Variants in ITGA1 observed in about 807,000 individuals in gnomAD.
ITGA1 encodes integrin subunit alpha 1.
A neutral mutation model predicts 145.9 loss-of-function variants in ITGA1; 85 were observed. That is an observed-to-expected ratio of 0.58 (90% CI 0.49 to 0.70). The LOEUF is 0.70. Among genes scored for constraint, ITGA1 ranks in the 30% least tolerant of loss-of-function variants. ITGA1 has a pLI of 0.00. For missense variants in ITGA1, 1,351 were observed against 1,418.7 expected, an observed-to-expected ratio of 0.95 and a Z score of 0.77; for synonymous variants, 520 against 495.3, an observed-to-expected ratio of 1.05 and a Z score of -0.66.
rs777861421 is a variant in ITGA1, at chr5:52,800,902, A to C, written c.61+12488A>C. On this transcript the variant is annotated intron_variant, in intron 1 of 28. Transcript: ENST00000282588. ...CAAGGTGGAGGTGAACATCCCTAGG[A>C]AAAGGAAAGGCAATTGCTCTCAGCA... The C allele has an allele frequency of 6.2e-6, 10 of 1,613,682 alleles. No homozygotes were observed. Among genetic ancestry groups the C allele is most frequent in the Non-Finnish European group, 8.5e-6 (10 of 1,179,820 alleles).
chr5:52,949,991 T>A (rs113293496), intron 28 of ITGA1, among the ~76,000 whole-genome samples: 1 of 152,336 alleles, frequency 6.6e-6, no homozygotes, highest in Non-Finnish European at 1.5e-5. Context: ...AGGCCAAAAG[T>A]TTCTCTTAGA....
At chr5:52,795,203 C>T (rs1486224810) in intron 1 of ITGA1, among the ~76,000 whole-genome samples, 4 of 151,694 alleles carry the variant, frequency 2.6e-5, no homozygotes, top group Non-Finnish European at 4.4e-5. Context: ...TGCTGTGTTC[C>T]AGGAGAACAA....
chr5:52,935,217 A>G (rs1230888543), intron 23 of ITGA1, among the ~76,000 whole-genome samples: 2 of 152,060 alleles, frequency 1.3e-5, no homozygotes, highest in African/African-American at 2.4e-5. Context: ...TAGAATTGGA[A>G]TAAAGGAGTT....
chr5:52,891,555 T>TAAAAAAAAAAAAAAAAAAAAAAA (rs56185635), intron 8 of ITGA1, among the ~76,000 whole-genome samples: 3 of 118,882 alleles, frequency 2.5e-5, no homozygotes, highest in African/African-American at 3.4e-5. Context: ...TCATGAACAC[T>TAAAAAAAAAAAAAAAAAAAAAAA]AAAAAAAAAA....
At chr5:52,832,837 G>GTTT (rs10634936) in intron 1 of ITGA1, among the ~76,000 whole-genome samples, 48 of 141,088 alleles carry the variant, frequency 3.4e-4, no homozygotes, top group Admixed American at 7.8e-4. Context: ...TCTCAAAAGA[G>GTTT]TTTTTTTTTG....
intron 14 of ITGA1, among the ~76,000 whole-genome samples, chr5:52,911,916 T>TTA (rs1240560887): frequency 7.3e-6 from 1 of 136,568 alleles, no homozygotes; most frequent in Admixed American, 7.8e-5. Flanking sequence ...GATATATATA[T>TTA]TATATATATA....
chr5:52,859,585 A>C (rs1025731651), intron 2 of ITGA1, among the ~76,000 whole-genome samples: 1 of 152,216 alleles, frequency 6.6e-6, no homozygotes, highest in Non-Finnish European at 1.5e-5. Flanking sequence ...TAGGGCCTAC[A>C]CAAAATAAAT....
intron 1 of ITGA1, among the ~76,000 whole-genome samples, chr5:52,842,438 A>G (rs1749268629): frequency 6.6e-6 from 1 of 152,328 alleles, no homozygotes; most frequent in Non-Finnish European, 1.5e-5. Flanking sequence ...GTTTCAAGAT[A>G]CAGTCATCAA....
At chr5:52,817,082 A>G (rs552126793) in intron 1 of ITGA1, among the ~76,000 whole-genome samples, 30 of 152,328 alleles carry the variant, frequency 2.0e-4, no homozygotes, top group African/African-American at 7.0e-4. Flanking sequence ...AAAGCTTTCA[A>G]TGCTATCCAC....
At chr5:52,904,049 T>C (rs191112757) in intron 11 of ITGA1, 8 of 152,666 alleles carry the variant, frequency 5.2e-5, no homozygotes, top group African/African-American at 1.9e-4. Flanking sequence ...CCACCAAGTA[T>C]CTGAAAGATG....
chr5:52,828,547 A>G (rs561090929), intron 1 of ITGA1, among the ~76,000 whole-genome samples: 203 of 152,298 alleles, frequency 1.3e-3, no homozygotes, highest in African/African-American at 4.7e-3. Flanking sequence ...AAAAGAAATC[A>G]GACTCAAGAG....
intron 26 of ITGA1, among the ~76,000 whole-genome samples, chr5:52,940,322 G>C (rs1179447467): frequency 6.6e-6 from 1 of 151,770 alleles, no homozygotes; most frequent in Non-Finnish European, 1.5e-5. Flanking sequence ...AAAGGAAAGA[G>C]CTAACATATA....
At chr5:52,828,650 A>G (rs1005413881) in intron 1 of ITGA1, among the ~76,000 whole-genome samples, 2 of 152,184 alleles carry the variant, frequency 1.3e-5, no homozygotes, top group Non-Finnish European at 2.9e-5. Context: ...ATATTTCTCA[A>G]AAATGAGCAT....
rs1270248434 is a variant in ITGA1 at position 52,953,696 on chromosome 5, T to C, written c.*1245T>C. 1 of 152,236 alleles carries C rather than the reference T, an allele frequency of 6.6e-6. No homozygotes were observed. The highest frequency in any genetic ancestry group is 1.5e-5 in the Non-Finnish European group (1 of 68,044). The allele number at this position is 152,236 out of a possible 1,614,324, so 9.4% of individuals were successfully genotyped here. A position where few individuals can be genotyped will look rare whatever the true frequency, so the allele number is the denominator to read the frequency against. ...TTCTTTGTTCTTGAAGTAGTCATTA[T>C]GGTTCATTGGAATCTACTGTAGCAT... On this transcript the variant is annotated 3_prime_UTR_variant, in exon 29 of 29. Coordinates refer to ENST00000282588, the MANE Select transcript of ITGA1 (RefSeq NM_181501.2).
chr5:52,920,599 T>C (rs1272715576), intron 17 of ITGA1, 131 bp downstream of exon 17: 21 of 737,336 alleles, frequency 2.8e-5, no homozygotes, highest in African/African-American at 3.7e-5. Flanking sequence ...GGAAATCTTG[T>C]TTGTTCATTT....
intron 12 of ITGA1, among the ~76,000 whole-genome samples, chr5:52,906,849 G>C (rs147412725): frequency 1.3e-5 from 2 of 152,218 alleles, no homozygotes; most frequent in East Asian, 3.9e-4. Context: ...GTAAAGCTCA[G>C]GTGCAGGGAT....
At chr5:52,840,729 G>A (rs139499977) in intron 1 of ITGA1, among the ~76,000 whole-genome samples, 98 of 152,246 alleles carry the variant, frequency 6.4e-4, no homozygotes, top group East Asian at 7.7e-4. Flanking sequence ...TTTTAAGAAA[G>A]GATGTTTGGG....
chr5:52,910,970 C>G (rs1450474776), intron 14 of ITGA1, among the ~76,000 whole-genome samples: 4 of 114,702 alleles, frequency 3.5e-5, no homozygotes, highest in African/African-American at 6.8e-5. Context: ...ACTATATATA[C>G]TATATATAGT....
At chr5:52,899,609 T>C (rs1750283143) in intron 11 of ITGA1, among the ~76,000 whole-genome samples, 1 of 152,140 alleles carries the variant, frequency 6.6e-6, no homozygotes, top group Non-Finnish European at 1.5e-5. Flanking sequence ...AACTAGGATG[T>C]GCCAGTAAAA....
Sources: gnomAD v4.1 joint callset for allele counts (sites outside exome capture counted in the v4.1 genomes callset) on GRCh38, gnomAD v4.1.1 for gene constraint, MANE v1.5 for transcripts, NCBI Gene and HGNC (gene_info 2026-07-23, HGNC 2026-07-21) for gene names.